The following ARB2A variants were observed in gnomAD, a reference collection of about 807,000 sequenced individuals.
The protein encoded by ARB2A is ARB2 cotranscriptional regulator A, also known as cotranscriptional regulator ARB2A.
chr5:93,684,054 GAAGGTGT>G, the ARB2A span, among the ~76,000 whole-genome samples: 1 of 152,110 alleles, frequency 6.6e-6, no homozygotes. Flanking sequence ...AGAGGCTCTG[GAAGGTGT>G]AAGCCATGAT....
At chr5:94,010,925 C>G in the ARB2A span, among the ~76,000 whole-genome samples, 2 of 151,956 alleles carry the variant, frequency 1.3e-5, no homozygotes, top group Non-Finnish European at 2.9e-5. Flanking sequence ...TCAGCTGAGG[C>G]CTGTAAGCCA....
the ARB2A span, among the ~76,000 whole-genome samples, chr5:93,691,578 AAT>A: frequency 6.6e-6 from 1 of 152,092 alleles, no homozygotes; most frequent in African/African-American, 2.4e-5. Context: ...TGACGGGGAG[AAT>A]GGAACCGAGT....
chr5:93,842,941 T>C, the ARB2A span, among the ~76,000 whole-genome samples: 1 of 152,278 alleles, frequency 6.6e-6, no homozygotes, highest in South Asian at 2.1e-4. Flanking sequence ...TAGTTACCTA[T>C]CCCAGTTTCA....
At chr5:93,905,554 A>G in the ARB2A span, among the ~76,000 whole-genome samples, 1 of 151,618 alleles carries the variant, frequency 6.6e-6, no homozygotes, top group East Asian at 1.9e-4. Context: ...AAATAAGCCT[A>G]ATCTAGTTAG....
chr5:93,723,691 G>A, the ARB2A span, among the ~76,000 whole-genome samples: 2 of 152,000 alleles, frequency 1.3e-5, no homozygotes, highest in Non-Finnish European at 2.9e-5. Flanking sequence ...CCTTATCGAT[G>A]CTAGTGAAGT....
At chr5:94,037,738 A>G in the ARB2A span, among the ~76,000 whole-genome samples, 2 of 152,292 alleles carry the variant, frequency 1.3e-5, no homozygotes, top group Non-Finnish European at 2.9e-5. Context: ...TCAATTATAC[A>G]CAGAAAATCA....
the ARB2A span, among the ~76,000 whole-genome samples, chr5:93,993,771 A>G: frequency 2.6e-5 from 4 of 151,560 alleles, no homozygotes; most frequent in African/African-American, 9.7e-5. Context: ...GAGACTGACC[A>G]TGCAGACCTG....
At chr5:93,937,096 A>T in the ARB2A span, among the ~76,000 whole-genome samples, 1 of 151,636 alleles carries the variant, frequency 6.6e-6, no homozygotes. Flanking sequence ...GATGGTCTCG[A>T]TCTCCTGACC....
At chr5:93,902,573 T>A in the ARB2A span, among the ~76,000 whole-genome samples, 1 of 152,096 alleles carries the variant, frequency 6.6e-6, no homozygotes, top group African/African-American at 2.4e-5. Flanking sequence ...ATAAAAAGAA[T>A]AGAAGGCTAG....
chr5:93,969,641 A>G, the ARB2A span, among the ~76,000 whole-genome samples: 1 of 152,128 alleles, frequency 6.6e-6, no homozygotes, highest in Non-Finnish European at 1.5e-5. Flanking sequence ...AATAAAACAC[A>G]GAAATAAGGA....
At chr5:93,928,895 C>A in the ARB2A span, among the ~76,000 whole-genome samples, 1 of 151,950 alleles carries the variant, frequency 6.6e-6, no homozygotes, top group Non-Finnish European at 1.5e-5. Flanking sequence ...AGAAATAATA[C>A]TCTTACAGCC....
chr5:93,741,620 G>A, the ARB2A span: 3 of 1,444,714 alleles, frequency 2.1e-6, no homozygotes, highest in Non-Finnish European at 2.7e-6. Context: ...CGAGGCTTCA[G>A]AACAGCCACC....
At chr5:93,630,545 A>G in the ARB2A span, among the ~76,000 whole-genome samples, 1 of 152,310 alleles carries the variant, frequency 6.6e-6, no homozygotes, top group African/African-American at 2.4e-5. Context: ...GGCACAACCT[A>G]TCCTTTCCTC....
the ARB2A span, chr5:93,735,316 A>G: frequency 6.6e-6 from 1 of 152,180 alleles, no homozygotes; most frequent in Non-Finnish European, 1.5e-5. Flanking sequence ...AAAATCTTTT[A>G]AATTATGTGA....
At chr5:93,872,780 G>A in the ARB2A span, among the ~76,000 whole-genome samples, 5 of 152,098 alleles carry the variant, frequency 3.3e-5, no homozygotes, top group African/African-American at 7.2e-5. Context: ...AGCCAGGCAC[G>A]GTGGCAGGTG....
the ARB2A span, among the ~76,000 whole-genome samples, chr5:93,730,315 C>T: frequency 7.9e-5 from 12 of 151,998 alleles, no homozygotes; most frequent in African/African-American, 2.7e-4. Flanking sequence ...GAGTGATTGG[C>T]TTTTCAGGGG....
the ARB2A span, chr5:93,805,068 T>G: frequency 1.0e-6 from 1 of 962,072 alleles, no homozygotes; most frequent in Admixed American, 6.2e-5. Flanking sequence ...TAATTAATGA[T>G]TAATGATTTT....
chr5:93,913,355 G>C, the ARB2A span, among the ~76,000 whole-genome samples: 1 of 151,912 alleles, frequency 6.6e-6, no homozygotes, highest in Non-Finnish European at 1.5e-5. Flanking sequence ...AGGACAGGGA[G>C]CAAGGGGTCA....
the ARB2A span, among the ~76,000 whole-genome samples, chr5:93,978,423 T>A: frequency 2.0e-5 from 3 of 152,176 alleles, no homozygotes; most frequent in Non-Finnish European, 4.4e-5. Context: ...CATGATGGAA[T>A]ACTATGCAGC....
Sources: allele counts gnomAD v4.1 joint callset (sites outside exome capture counted in the v4.1 genomes callset), GRCh38; gene constraint gnomAD v4.1.1; transcripts MANE v1.5; gene names NCBI Gene and HGNC (gene_info 2026-07-23, HGNC 2026-07-21).